TRABD2A: variants seen among roughly 807,000 people sequenced by gnomAD.
The protein encoded by TRABD2A is TraB domain containing 2A, also known as metalloprotease TIKI1.
A neutral mutation model predicts 45.6 loss-of-function variants in TRABD2A; 43 were observed. The ratio of observed to expected loss-of-function variants is 0.94; its 90% CI spans 0.74 to 1.22. The LOEUF (loss-of-function observed/expected upper bound fraction) is 1.22. TRABD2A is among the 50% of genes most tolerant of loss of function. The probability of loss-of-function intolerance (pLI) is 0.00; values close to 1 mark genes in which losing one functional copy is unlikely to be tolerated. For missense variants in TRABD2A, 642 were observed against 652.4 expected, an observed-to-expected ratio of 0.98 and a Z score of 0.17; for synonymous variants, 269 against 265.0, an observed-to-expected ratio of 1.02 and a Z score of -0.15.
At chr2:84,871,846 G>T (rs1463515039) in intron 1 of TRABD2A, among the ~76,000 whole-genome samples, 1 of 152,064 alleles carries the variant, frequency 6.6e-6, no homozygotes, top group Non-Finnish European at 1.5e-5. Context: ...TTGAAACTAG[G>T]GTCCTAATGA....
At chr2:84,875,290 A>T (rs1326117118) in intron 1 of TRABD2A, among the ~76,000 whole-genome samples, 1 of 152,216 alleles carries the variant, frequency 6.6e-6, no homozygotes, top group African/African-American at 2.4e-5. Flanking sequence ...CACTATGGGG[A>T]TATCTAAGAG....
At chr2:84,829,691 C>A (rs1681265686) in intron 5 of TRABD2A, among the ~76,000 whole-genome samples, 1 of 150,894 alleles carries the variant, frequency 6.6e-6, no homozygotes, top group African/African-American at 2.4e-5. Flanking sequence ...CACATACACA[C>A]AACACACACA....
intron 2 of TRABD2A, among the ~76,000 whole-genome samples, chr2:84,866,622 C>A (rs1158773396): frequency 6.6e-6 from 1 of 150,844 alleles, no homozygotes; most frequent in Non-Finnish European, 1.5e-5. Context: ...TCATGGTAGG[C>A]ACTGTATGTT....
intron 2 of TRABD2A, among the ~76,000 whole-genome samples, chr2:84,847,492 G>A (rs1159928713): frequency 6.6e-6 from 1 of 152,194 alleles, no homozygotes; most frequent in Non-Finnish European, 1.5e-5. Context: ...CACCTCACAT[G>A]AATCAGCTGA....
intron 1 of TRABD2A, among the ~76,000 whole-genome samples, chr2:84,877,945 G>A (rs1683080489): frequency 6.6e-6 from 1 of 152,138 alleles, no homozygotes; most frequent in South Asian, 2.1e-4. Context: ...TGGATACTGG[G>A]GATGCAGAAG....
intron 1 of TRABD2A, among the ~76,000 whole-genome samples, chr2:84,878,412 C>G (rs989856669): frequency 6.6e-6 from 1 of 151,864 alleles, no homozygotes; most frequent in African/African-American, 2.4e-5. Flanking sequence ...GTAATCCCAG[C>G]TGCTCAGGAG....
chr2:84,845,297 A>G (rs1414562924), intron 2 of TRABD2A, among the ~76,000 whole-genome samples: 5 of 152,238 alleles, frequency 3.3e-5, no homozygotes, highest in Non-Finnish European at 5.9e-5. Context: ...GGTTGCAGTG[A>G]GCTGAGATTG....
chr2:84,840,601 C>A (rs1473871693), intron 3 of TRABD2A, among the ~76,000 whole-genome samples: 1 of 152,230 alleles, frequency 6.6e-6, no homozygotes, highest in Non-Finnish European at 1.5e-5. Flanking sequence ...TCTGCTCCAT[C>A]AGCCTCACCA....
intron 5 of TRABD2A, among the ~76,000 whole-genome samples, chr2:84,829,502 C>T (rs1029183153): frequency 1.3e-5 from 2 of 149,988 alleles, no homozygotes; most frequent in Non-Finnish European, 3.0e-5. Flanking sequence ...ACAACTCACA[C>T]ATCAGACATG....
In TRABD2A at chr2:84,874,467, T is replaced by C. The variant is rs1336928266; in HGVS notation, c.109-3682A>G. Among the ~76,000 whole-genome samples, 4 of 152,274 alleles carry C rather than the reference T, an allele frequency of 2.6e-5. No individual in the cohort carries two copies. In the East Asian group the frequency reaches 5.8e-4, roughly 22 times the overall value. On this transcript the variant is annotated intron_variant, in intron 1 of 6. Coordinates refer to ENST00000409520, the MANE Select transcript of TRABD2A (RefSeq NM_001277053.2). ...TAGGCACAGAGAATACAACAGTGAG[T>C]GACACACAGTTCCCTGTTGGTGCCA...
intron 1 of TRABD2A, among the ~76,000 whole-genome samples, chr2:84,875,282 C>T (rs1573958588): frequency 1.3e-5 from 2 of 152,288 alleles, no homozygotes; most frequent in African/African-American, 4.8e-5. Context: ...GAGGGGCCCA[C>T]TATGGGGATA....
At chr2:84,870,845 T>C (rs1261213781) in intron 1 of TRABD2A, 60 bp from the exon 2 acceptor site, 32 of 1,418,458 alleles carry the variant, frequency 2.3e-5, no homozygotes, top group Non-Finnish European at 2.7e-5. Flanking sequence ...GTCAGGAACC[T>C]GTGAGAGGAA....
chr2:84,824,373 A>G (rs1392692815), intron 5 of TRABD2A, among the ~76,000 whole-genome samples, 169 bp from the exon 6 acceptor site: 1 of 152,010 alleles, frequency 6.6e-6, no homozygotes, highest in African/African-American at 2.4e-5. Flanking sequence ...TTGGGAATTT[A>G]TCTCTTTGAC....
At chr2:84,861,714 G>A (rs1330207979) in intron 2 of TRABD2A, among the ~76,000 whole-genome samples, 2 of 152,182 alleles carry the variant, frequency 1.3e-5, no homozygotes, top group Non-Finnish European at 2.9e-5. Context: ...GCATCCCAGA[G>A]CTGTCCTTTC....
At position 84,822,105 on chromosome 2, in the gene TRABD2A, G is replaced by A; in HGVS notation, c.1335-5C>T. The A allele has an allele frequency of 6.4e-7, 1 of 1,554,316 alleles. No homozygotes were observed. Among genetic ancestry groups the A allele is most frequent in the Non-Finnish European group, 8.7e-7 (1 of 1,147,630 alleles). ...TGGAGTTGCGGGACTATGTCACTAG[G>A]AGGCAAAGAGAAAGACAGAGTCTGA... is the stretch of plus-strand genomic sequence containing the variant. On this transcript the variant is annotated splice_region_variant and splice_polypyrimidine_tract_variant and intron_variant, in intron 6 of 6. Coordinates refer to ENST00000409520, the MANE Select transcript of TRABD2A (RefSeq NM_001277053.2).
rs758098870 is a variant in TRABD2A, at chr2:84,832,063, G to T, written c.1074C>A (p.Pro358=). ...AAGCACAGGACGGTTACTTGTGGATGGGTCGTCCAGCAGGGGCGTGTTCTA... is the reference window on the plus strand; with the variant it reads ...AAGCACAGGACGGTTACTTGTGGATTGGTCGTCCAGCAGGGGCGTGTTCTA... The part of the protein sequence containing the change: ...YEVEHAPAGR[P]IHKGKSKKTS... The change falls in exon 5 of 7, where the codon CCC becomes CCA. Residue 358 remains proline, a synonymous_variant. Transcript: ENST00000409520. 5.0e-6 allele frequency: 8 copies of T among 1,613,328 alleles called. No individual in the cohort carries two copies. In the African/African-American group the frequency reaches 1.1e-4, roughly 22 times the overall value.
At chr2:84,878,450 T>C (rs1426575792) in intron 1 of TRABD2A, among the ~76,000 whole-genome samples, 1 of 150,026 alleles carries the variant, frequency 6.7e-6, no homozygotes, top group African/African-American at 2.5e-5. Flanking sequence ...ACTTGAACCC[T>C]GGAGGCAGAG....
In TRABD2A at chr2:84,825,170, G is replaced by A. The variant is rs548405854; in HGVS notation, c.1083-966C>T. On this transcript the variant is annotated intron_variant, in intron 5 of 6. Transcript: ENST00000409520. Reference sequence around the variant, plus strand: ...CCTGAGGAAGGGGAGCAGTGGATGCGCCATGTCTAGGGCTTTCCTCGTCCA... The same window carrying A: ...CCTGAGGAAGGGGAGCAGTGGATGCACCATGTCTAGGGCTTTCCTCGTCCA... 1.1e-4 allele frequency among the ~76,000 whole-genome samples: 16 copies of A among 152,244 alleles called. No individual in the cohort carries two copies. The South Asian group carries it at 3.3e-3, about 32-fold the overall frequency.
At chr2:84,846,388 A>C (rs1266242525) in intron 2 of TRABD2A, among the ~76,000 whole-genome samples, 3 of 152,230 alleles carry the variant, frequency 2.0e-5, no homozygotes, top group African/African-American at 4.8e-5. Flanking sequence ...GAAAGGCCTT[A>C]AGCTTCTCAC....
Sources: allele counts gnomAD v4.1 joint callset (sites outside exome capture counted in the v4.1 genomes callset), GRCh38; gene constraint gnomAD v4.1.1; transcripts MANE v1.5; gene names NCBI Gene and HGNC (gene_info 2026-07-23, HGNC 2026-07-21).